The following ACAD10 variants were observed in gnomAD, a reference collection of about 807,000 sequenced individuals.
ACAD10 encodes the protein ACAD-10.
A neutral mutation model predicts 116.8 loss-of-function variants in ACAD10; 112 were observed. That is an observed-to-expected ratio of 0.96 (90% confidence interval 0.82 to 1.12). ACAD10 has a LOEUF of 1.12. Among genes scored for constraint, ACAD10 ranks in the 50% most tolerant of loss-of-function variants. ACAD10 has a pLI of 0.00. For synonymous variants in ACAD10, 486 were observed against 510.6 expected, an observed-to-expected ratio of 0.95 and a Z score of 0.65; for missense variants, 1,259 against 1,350.2, an observed-to-expected ratio of 0.93 and a Z score of 1.06.
At position 111,756,712 on chromosome 12, in the gene ACAD10, G is replaced by C. The variant is rs1045486938; in HGVS notation, c.*239G>C. Reference sequence around the variant, plus strand: ...TTTGCTGAGGGCCAAGGGGGTTCTGGGACAGAGTCTGGAAAGCTGGTCTTC... The same window carrying C: ...TTTGCTGAGGGCCAAGGGGGTTCTGCGACAGAGTCTGGAAAGCTGGTCTTC... On this transcript the variant is annotated 3_prime_UTR_variant, in exon 21 of 21. Coordinates refer to ENST00000313698, the MANE Select transcript of ACAD10 (RefSeq NM_025247.6). 1 of 709,992 alleles carries C rather than the reference G, an allele frequency of 1.4e-6. No individual in the cohort carries two copies. Among genetic ancestry groups the C allele is most frequent in the Non-Finnish European group, 2.5e-6 (1 of 404,810 alleles). The allele number at this position is 709,992 out of a possible 1,614,324, so 44.0% of individuals were successfully genotyped here. A position where few individuals can be genotyped will look rare whatever the true frequency, so the allele number is the denominator to read the frequency against.
chr12:111,714,811 C>T (rs1888794607), intron 6 of ACAD10, among the ~76,000 whole-genome samples: 1 of 152,072 alleles, frequency 6.6e-6, no homozygotes, highest in Non-Finnish European at 1.5e-5. Flanking sequence ...CTCTTGGGTT[C>T]TAGTGATTCT....
chr12:111,711,898 T>A (rs1888696494), intron 5 of ACAD10, among the ~76,000 whole-genome samples: 1 of 152,260 alleles, frequency 6.6e-6, no homozygotes, highest in Non-Finnish European at 1.5e-5. Context: ...GTCTAAATAT[T>A]TGCCTTGGCC....
intron 12 of ACAD10, among the ~76,000 whole-genome samples, chr12:111,738,589 G>A (rs556236769): frequency 1.3e-4 from 19 of 151,950 alleles, no homozygotes; most frequent in Non-Finnish European, 2.2e-4. Flanking sequence ...AGTAGTAGCC[G>A]GGCATGGTGG....
intron 3 of ACAD10, among the ~76,000 whole-genome samples, chr12:111,705,412 T>A (rs1424925063): frequency 2.0e-5 from 3 of 152,146 alleles, no homozygotes; most frequent in African/African-American, 7.2e-5. Context: ...AAATTTTTTT[T>A]AGATCTCACT....
chr12:111,734,999 G>C (rs1402174883), intron 11 of ACAD10, among the ~76,000 whole-genome samples: 1 of 152,258 alleles, frequency 6.6e-6, no homozygotes, highest in African/African-American at 2.4e-5. Flanking sequence ...CGAGACGGGT[G>C]GATCACGAGG....
intron 16 of ACAD10, chr12:111,747,590 C>G (rs1889949655): frequency 2.2e-6 from 3 of 1,394,794 alleles, no homozygotes; most frequent in East Asian, 5.4e-5. Flanking sequence ...CTTCACAGGG[C>G]AGGGACGTCC....
chr12:111,711,792 G>A (rs1217273699), intron 5 of ACAD10, among the ~76,000 whole-genome samples: 1 of 152,206 alleles, frequency 6.6e-6, no homozygotes, highest in East Asian at 1.9e-4. Flanking sequence ...GATTACAGGC[G>A]TGAGCCACCG....
chr12:111,719,234 C>T (rs964385733), intron 7 of ACAD10, among the ~76,000 whole-genome samples: 8 of 152,114 alleles, frequency 5.3e-5, no homozygotes, highest in Non-Finnish European at 1.2e-4. Flanking sequence ...TGAAGTCTGA[C>T]AAATACCCTG....
intron 11 of ACAD10, among the ~76,000 whole-genome samples, chr12:111,735,042 T>G (rs2135979854): frequency 6.6e-6 from 1 of 152,088 alleles, no homozygotes; most frequent in Non-Finnish European, 1.5e-5. Context: ...GCTAACATGG[T>G]GAAACCCCGT....
chr12:111,714,003 G>A (rs2135959690), intron 6 of ACAD10, among the ~76,000 whole-genome samples: 1 of 152,060 alleles, frequency 6.6e-6, no homozygotes, highest in South Asian at 2.1e-4. Context: ...CCAGTACTTT[G>A]GGAGGCCGAG....
chr12:111,719,999 T>C (rs978579939), intron 7 of ACAD10, among the ~76,000 whole-genome samples: 12 of 152,100 alleles, frequency 7.9e-5, no homozygotes, highest in Non-Finnish European at 5.9e-5. Context: ...AGTGCTGAGA[T>C]TGCAGGCATG....
At chr12:111,692,656 C>T in intron 1 of ACAD10, 41 bp from the exon 2 acceptor site, 2 of 1,569,948 alleles carry the variant, frequency 1.3e-6, no homozygotes, top group South Asian at 1.2e-5. Context: ...GGTTGGGAGG[C>T]AGTGCAGGCA....
chr12:111,743,478 A>T (rs570741662), intron 12 of ACAD10, among the ~76,000 whole-genome samples: 1 of 151,676 alleles, frequency 6.6e-6, no homozygotes, highest in African/African-American at 2.4e-5. Context: ...CTGGGACTAC[A>T]GGCATGTGCC....
At chr12:111,689,953 G>A (rs551435257) in intron 1 of ACAD10, among the ~76,000 whole-genome samples, 1 of 152,152 alleles carries the variant, frequency 6.6e-6, no homozygotes, top group Admixed American at 6.6e-5. Flanking sequence ...CTGACTTTGT[G>A]ATCCGCCCGC....
intron 2 of ACAD10, among the ~76,000 whole-genome samples, chr12:111,700,326 A>G (rs1457573154): frequency 6.6e-6 from 1 of 152,248 alleles, no homozygotes; most frequent in African/African-American, 2.4e-5. Context: ...CCTTATTAGT[A>G]TACATTTAAC....
At chr12:111,750,717 A>G (rs1181949517) in intron 18 of ACAD10, among the ~76,000 whole-genome samples, 1 of 152,204 alleles carries the variant, frequency 6.6e-6, no homozygotes, top group Admixed American at 6.5e-5. Context: ...TTATTCGGCC[A>G]TAATCCTACC....
chr12:111,732,406 T>C (rs1889414785), intron 10 of ACAD10, among the ~76,000 whole-genome samples: 1 of 152,148 alleles, frequency 6.6e-6, no homozygotes, highest in South Asian at 2.1e-4. Flanking sequence ...GAAAGAACAC[T>C]ATATGTGGTA....
chr12:111,689,955 TC>T (rs776624853), intron 1 of ACAD10, among the ~76,000 whole-genome samples: 3 of 152,156 alleles, frequency 2.0e-5, no homozygotes, highest in Non-Finnish European at 4.4e-5. Context: ...GACTTTGTGA[TC>T]CGCCCGCCTC....
At chr12:111,706,671 G>C (rs1366927292) in intron 4 of ACAD10, among the ~76,000 whole-genome samples, 1 of 150,880 alleles carries the variant, frequency 6.6e-6, no homozygotes, top group Non-Finnish European at 1.5e-5. Flanking sequence ...GGCTGGTCTC[G>C]AACTCCCAAC....
Sources: gnomAD v4.1 joint callset for allele counts (sites outside exome capture counted in the v4.1 genomes callset) on GRCh38, gnomAD v4.1.1 for gene constraint, MANE v1.5 for transcripts, NCBI Gene and HGNC (gene_info 2026-07-23, HGNC 2026-07-21) for gene names.